Variants in CADM3 observed in about 807,000 individuals in gnomAD.
The protein encoded by CADM3 is cell adhesion molecule 3, also known as TSLC1-like 1.
A neutral mutation model predicts 44.9 loss-of-function variants in CADM3; 11 were observed. The observed-to-expected ratio is 0.25, with a 90% confidence interval of 0.15 to 0.41. The LOEUF is 0.41. Ranked by LOEUF, CADM3 falls within the 10% of genes least tolerant of loss-of-function variation. The pLI, the probability that CADM3 is intolerant of heterozygous loss-of-function variation, is 1.00. For synonymous variants in CADM3, 207 were observed against 205.2 expected (o/e 1.01, Z -0.08); for missense variants, 426 against 512.0 (o/e 0.83, Z 1.62).
intron 1 of CADM3, among the ~76,000 whole-genome samples, chr1:159,188,491 CT>C (rs1649508339): frequency 6.6e-6 from 1 of 152,046 alleles, no homozygotes; most frequent in Admixed American, 6.6e-5. Context: ...CCTTTCTCCC[CT>C]CTCCTCCCCC....
At chr1:159,183,380 A>G (rs1649304041) in intron 1 of CADM3, among the ~76,000 whole-genome samples, 1 of 152,184 alleles carries the variant, frequency 6.6e-6, no homozygotes, top group Non-Finnish European at 1.5e-5. Context: ...GTTTATCAAG[A>G]GGCTGCTTGA....
intron 1 of CADM3, among the ~76,000 whole-genome samples, chr1:159,183,869 A>T (rs959582965): frequency 1.3e-5 from 2 of 152,170 alleles, no homozygotes; most frequent in South Asian, 2.1e-4. Flanking sequence ...GCAAAGCCTT[A>T]GATTAGGAAA....
In CADM3 at chr1:159,192,614, C is replaced by T. The variant is rs748945624; in HGVS notation, c.266C>T (p.Thr89Met). 4.5e-5 allele frequency: 73 copies of T among 1,614,064 alleles called. No individual in the cohort carries two copies. The highest frequency in any genetic ancestry group is 2.0e-4 in the Admixed American group (12 of 60,004). The change falls in exon 3 of 9, where the codon ACG becomes ATG. Residue 89 changes from threonine to methionine, a missense_variant. Thr to Met is a moderately conservative substitution (Grantham distance 81). Transcript: ENST00000368125. ...AATCGAATTCAGCTGGTTACCTCTA[C>T]GCCCCACGAGCTCAGCATCAGCATC... The part of the protein sequence containing the change: ...RDNRIQLVTS[T>M]PHELSISISN...
At chr1:159,192,182 G>A (rs1189530471) in intron 2 of CADM3, 106 bp downstream of exon 2, 6 of 1,230,612 alleles carry the variant, frequency 4.9e-6, no homozygotes, top group Non-Finnish European at 6.7e-6. Context: ...GAGAAACATG[G>A]TGGTCTGCTG....
In CADM3 at chr1:159,185,565, G is replaced by A. The variant is rs111723656; in HGVS notation, c.89-6371G>A. 7.7e-3 allele frequency among the ~76,000 whole-genome samples: 1,167 copies of A among 152,314 alleles called. 17 individuals carry two copies. The highest frequency in any genetic ancestry group is 8.6e-3 in the Non-Finnish European group (587 of 68,032). ...TTCTTAACTCGGCTTTAACGTGTGT[G>A]TAATAATATCTAGCTATTAAAAGGT... On this transcript the variant is annotated intron_variant, in intron 1 of 8. Transcript: ENST00000368125.
At chr1:159,196,013 C>A in intron 5 of CADM3, 1 of 186,046 alleles carries the variant, frequency 5.4e-6, no homozygotes, top group Non-Finnish European at 1.1e-5. Context: ...ACAAGTTCAA[C>A]TTTATTTGTT....
At position 159,196,348 on chromosome 1, in the gene CADM3, A is replaced by G. The variant is rs2102131516; in HGVS notation, c.692-16A>G. Reference sequence around the variant, plus strand: ...GTGTGGGGAGGTATTCATTGATACCATTTCCTTCTCCACAGACACACCAAC... The same window carrying G: ...GTGTGGGGAGGTATTCATTGATACCGTTTCCTTCTCCACAGACACACCAAC... On this transcript the variant is annotated splice_polypyrimidine_tract_variant and intron_variant, in intron 5 of 8. Transcript: ENST00000368125. 1 of 1,609,800 alleles carries G rather than the reference A, an allele frequency of 6.2e-7. No homozygotes were observed. The highest frequency in any genetic ancestry group is 8.5e-7 in the Non-Finnish European group (1 of 1,176,130).
chr1:159,195,378 C>G (rs1649843938), intron 5 of CADM3: 1 of 152,280 alleles, frequency 6.6e-6, no homozygotes, highest in African/African-American at 2.4e-5. Context: ...GTGTGAGGCC[C>G]TGACCTGGAG....
At chr1:159,186,135 G>A (rs1201669678) in intron 1 of CADM3, among the ~76,000 whole-genome samples, 1 of 152,180 alleles carries the variant, frequency 6.6e-6, no homozygotes, top group Admixed American at 6.5e-5. Flanking sequence ...GCAGGCAAAG[G>A]AACGGATGCA....
intron 1 of CADM3, among the ~76,000 whole-genome samples, chr1:159,181,636 C>T (rs1649231717): frequency 6.6e-6 from 1 of 152,214 alleles, no homozygotes; most frequent in Admixed American, 6.5e-5. Flanking sequence ...GGAAGAGACT[C>T]TTTCGGGATC....
intron 1 of CADM3, among the ~76,000 whole-genome samples, chr1:159,183,614 T>C (rs555665005): frequency 2.6e-5 from 4 of 152,174 alleles, no homozygotes; most frequent in Non-Finnish European, 5.9e-5. Context: ...AAGGAGATCC[T>C]TTAGGAGACT....
In CADM3 at chr1:159,171,710, GC is replaced by G; in HGVS notation, c.-51del. ...GTAGTCCACCCCCTCCCCATCCCCA[GC>G]CCCCGGGGATTCAGGCTCGCCAGCG... On this transcript the variant is annotated 5_prime_UTR_variant, in exon 1 of 9. Transcript: ENST00000368125. The G allele has an allele frequency of 8.4e-7, 1 of 1,185,572 alleles. No individual in the cohort carries two copies. Among genetic ancestry groups the G allele is most frequent in the Non-Finnish European group, 1.1e-6 (1 of 945,992 alleles). The allele number at this position is 1,185,572 out of a possible 1,614,324, so 73.4% of individuals were successfully genotyped here. A position where few individuals can be genotyped will look rare whatever the true frequency, so the allele number is the denominator to read the frequency against.
chr1:159,196,479 C>G (rs767568858), intron 6 of CADM3, 25 bp downstream of exon 6: 4 of 1,580,034 alleles, frequency 2.5e-6, no homozygotes, highest in Admixed American at 1.7e-5. Flanking sequence ...TTCCTGGTCT[C>G]CTCCTTACTC....
chr1:159,192,031 T>C lies in CADM3; in HGVS notation c.184T>C (p.Trp62Arg). Residue 62 changes from tryptophan (W) to arginine (R), a missense_variant, in exon 2 of 9, where the codon TGG becomes CGG. By Grantham distance (101) the Trp-to-Arg change is moderately radical. Transcript: ENST00000368125. ...VKDHEDSSLQ[W>R]SNPAQQTLYF... Reference sequence around the variant, plus strand: ...AGATCACGAGGACTCATCCCTGCAATGGTCTAACCCTGCTCAGCAGACTCT... The same window carrying C: ...AGATCACGAGGACTCATCCCTGCAACGGTCTAACCCTGCTCAGCAGACTCT... 1 of 1,614,154 alleles carries C rather than the reference T, an allele frequency of 6.2e-7. No homozygotes were observed.
rs985668338 is a variant in CADM3 at position 159,202,861 on chromosome 1, G to A, written c.*1939G>A. On this transcript the variant is annotated 3_prime_UTR_variant, in exon 9 of 9. Transcript: ENST00000368125. ...CTACTCCTCTTACAACAGCAAGAGA[G>A]CCCTGGGGCCCCAGGCCTGTTGAGC... The A allele has an allele frequency of 1.3e-5, 2 of 151,922 alleles. No individual in the cohort carries two copies. The highest frequency in any genetic ancestry group is 1.3e-4 in the Admixed American group (2 of 15,250). 9.4% of individuals were successfully genotyped at this position (151,922 alleles called of 1,614,324 possible).
Position 159,193,933 on chromosome 1 carries a change from C to A in CADM3, c.584C>A (p.Thr195Lys). The change falls in exon 5 of 9, where the codon ACA (threonine) becomes AAA (lysine). Residue 195 changes from threonine to lysine, a missense_variant. Thr to Lys is a moderately conservative substitution (Grantham distance 78, BLOSUM62 -1). This residue lies in a region of CADM3 where 362 missense variants were observed against 474.6 expected (regional missense o/e 0.76). Coordinates refer to ENST00000368125, the MANE Select transcript of CADM3 (RefSeq NM_001127173.3). Reference protein sequence around the residue: ...GKTFTVSSSVTFQVTREDDGA... With the variant: ...GKTFTVSSSVKFQVTREDDGA... ...ACCTTCACTGTCAGCAGCTCGGTGACATTCCAGGTTACCCGGGAGGATGAT... is the reference window on the plus strand; with the variant it reads ...ACCTTCACTGTCAGCAGCTCGGTGAAATTCCAGGTTACCCGGGAGGATGAT... The A allele has an allele frequency of 6.2e-7, 1 of 1,614,176 alleles. No homozygotes were observed. Among genetic ancestry groups the A allele is most frequent in the Non-Finnish European group, 8.5e-7 (1 of 1,180,030 alleles).
At position 159,202,454 on chromosome 1, in the gene CADM3, C is replaced by T. The variant is rs1650262090; in HGVS notation, c.*1532C>T. ...TTTGCTATGCACCTCTCAGGCCTCTCCTTGGCGTTGACCCTGGAAAGACCT... is the reference window on the plus strand; with the variant it reads ...TTTGCTATGCACCTCTCAGGCCTCTTCTTGGCGTTGACCCTGGAAAGACCT... On this transcript the variant is annotated 3_prime_UTR_variant, in exon 9 of 9. Transcript: ENST00000368125. 1 of 152,714 alleles carries T rather than the reference C, an allele frequency of 6.5e-6. No individual in the cohort carries two copies. The highest frequency in any genetic ancestry group is 6.5e-5 in the Admixed American group (1 of 15,282). The allele number at this position is 152,714 out of a possible 1,614,324, so 9.5% of individuals were successfully genotyped here. A position where few individuals can be genotyped will look rare whatever the true frequency, so the allele number is the denominator to read the frequency against.
chr1:159,180,667 T>C (rs970303261), intron 1 of CADM3, among the ~76,000 whole-genome samples: 8 of 151,756 alleles, frequency 5.3e-5, no homozygotes, highest in African/African-American at 1.9e-4. Context: ...AGTGTGGGTG[T>C]GTAGAGCAGA....
intron 7 of CADM3, among the ~76,000 whole-genome samples, chr1:159,198,657 C>A (rs1650011492): frequency 6.6e-6 from 1 of 152,100 alleles, no homozygotes; most frequent in Admixed American, 6.5e-5. Flanking sequence ...CAAGCTGAGT[C>A]CATGGAAAAC....
Sources: gnomAD v4.1 joint callset for allele counts (sites outside exome capture counted in the v4.1 genomes callset) on GRCh38, gnomAD v4.1.1 for gene constraint, gnomAD v4.1.1 regional missense constraint, MANE v1.5 for transcripts, NCBI Gene and HGNC (gene_info 2026-07-23, HGNC 2026-07-21) for gene names.